CSMD1: variants seen among roughly 807,000 people sequenced by gnomAD.
CSMD1 encodes CUB and Sushi multiple domains 1.
Under a neutral mutation model 417.5 loss-of-function variants are expected in CSMD1, and 213 were observed. That is an observed-to-expected ratio of 0.51 (90% CI 0.46 to 0.57). The LOEUF is 0.57. Ranked by LOEUF, CSMD1 falls within the 20% of genes least tolerant of loss-of-function variation. The pLI, the probability that CSMD1 is intolerant of heterozygous loss-of-function variation, is 0.00. For missense variants in CSMD1, 6,923 were observed against 4,529.7 expected (o/e 1.53, Z -15.17); for synonymous variants, 2,862 against 1,736.8 (o/e 1.65, Z -16.11).
intron 1 of CSMD1, among the ~76,000 whole-genome samples, chr8:4,768,312 C>G (rs1796422700): frequency 6.6e-6 from 1 of 152,006 alleles, no homozygotes; most frequent in Admixed American, 6.6e-5. Flanking sequence ...CATTCGTATA[C>G]TCGCCTATGA....
At chr8:4,148,674 C>T (rs769625257) in intron 3 of CSMD1, among the ~76,000 whole-genome samples, 10 of 152,046 alleles carry the variant, frequency 6.6e-5, no homozygotes, top group Non-Finnish European at 8.8e-5. Context: ...AGCGTGCCCT[C>T]GTGTCTCTTC....
intron 1 of CSMD1, among the ~76,000 whole-genome samples, chr8:4,968,381 C>G (rs931941606): frequency 6.6e-6 from 1 of 151,990 alleles, no homozygotes; most frequent in Admixed American, 6.6e-5. Context: ...TTACCCCCAA[C>G]AGAAAATCTG....
intron 12 of CSMD1, among the ~76,000 whole-genome samples, chr8:3,454,543 A>G (rs1815977145): frequency 6.6e-6 from 1 of 152,156 alleles, no homozygotes; most frequent in South Asian, 2.1e-4. Context: ...GCTTGTCTGT[A>G]AAGGATTTTA....
intron 41 of CSMD1, among the ~76,000 whole-genome samples, chr8:3,136,094 GT>G (rs1818065136): frequency 6.6e-6 from 1 of 151,938 alleles, no homozygotes; most frequent in Non-Finnish European, 1.5e-5. Context: ...CTGGATCTTT[GT>G]CCCCCCCTCA....
At chr8:3,153,626 T>A (rs908350852) in intron 39 of CSMD1, among the ~76,000 whole-genome samples, 3 of 152,204 alleles carry the variant, frequency 2.0e-5, no homozygotes, top group Non-Finnish European at 4.4e-5. Context: ...CACACACACA[T>A]GCAGAGGGAA....
chr8:3,424,941 C>G (rs998254467), intron 12 of CSMD1, among the ~76,000 whole-genome samples: 2 of 152,156 alleles, frequency 1.3e-5, no homozygotes, highest in African/African-American at 4.8e-5. Context: ...CTCAAGTGAT[C>G]TTTCGACCTC....
chr8:4,229,724 C>T (rs963919684), intron 3 of CSMD1, among the ~76,000 whole-genome samples: 1 of 152,092 alleles, frequency 6.6e-6, no homozygotes, highest in Non-Finnish European at 1.5e-5. Flanking sequence ...CTTGACCCAC[C>T]CCATCCTCTG....
chr8:4,729,054 C>G (rs1809675918), intron 1 of CSMD1, among the ~76,000 whole-genome samples: 1 of 152,076 alleles, frequency 6.6e-6, no homozygotes, highest in South Asian at 2.1e-4. Context: ...CACTGATGAC[C>G]TGAATATAGA....
intron 3 of CSMD1, among the ~76,000 whole-genome samples, chr8:4,073,565 C>T (rs1029667762): frequency 2.6e-5 from 4 of 151,984 alleles, no homozygotes; most frequent in Admixed American, 2.0e-4. Context: ...GCTATTAATC[C>T]TACAGTATGA....
chr8:4,977,864 G>A (rs1343352845), intron 1 of CSMD1, among the ~76,000 whole-genome samples: 1 of 152,240 alleles, frequency 6.6e-6, no homozygotes, highest in African/African-American at 2.4e-5. Flanking sequence ...CACAGTGGAA[G>A]AAGACCCATC....
At chr8:4,746,701 G>C (rs1810976995) in intron 1 of CSMD1, among the ~76,000 whole-genome samples, 1 of 152,138 alleles carries the variant, frequency 6.6e-6, no homozygotes, top group African/African-American at 2.4e-5. Context: ...CATACTCTGA[G>C]CTGCTGGGGC....
rs1051235568 is a variant in CSMD1, at chr8:3,409,489, C to G, written c.1678G>C (p.Val560Leu). 5.6e-6 allele frequency: 9 copies of G among 1,611,622 alleles called. No individual in the cohort carries two copies. Among genetic ancestry groups the G allele is most frequent in the African/African-American group, 1.3e-5 (1 of 74,882 alleles). ...TGACAGGTGATAACTCTCTCCCCCA[C>G]CAGCTCAAAGGCCGCCGGGCATTCA... ...TFECPAAFELVGERVITCQQN... is the reference protein window; with the variant it reads ...TFECPAAFELLGERVITCQQN... Residue 560 changes from valine (V) to leucine (L), a missense_variant, in exon 13 of 70, where the codon GTG becomes CTG. Transcript: ENST00000635120.
At chr8:4,537,119 A>G (rs182313240) in intron 2 of CSMD1, among the ~76,000 whole-genome samples, 1 of 152,164 alleles carries the variant, frequency 6.6e-6, no homozygotes, top group Non-Finnish European at 1.5e-5. Flanking sequence ...TCAAATATGC[A>G]TTTATATGTA....
chr8:4,163,058 G>T (rs1180406084), intron 3 of CSMD1, among the ~76,000 whole-genome samples: 2 of 152,134 alleles, frequency 1.3e-5, no homozygotes, highest in South Asian at 2.1e-4. Context: ...GTCTTTGCAT[G>T]GCTTTCGGTT....
intron 2 of CSMD1, among the ~76,000 whole-genome samples, chr8:4,425,206 G>T (rs1318806651): frequency 2.0e-5 from 3 of 151,970 alleles, no homozygotes; most frequent in Non-Finnish European, 4.4e-5. Context: ...GTGGTCAAAT[G>T]ATATTAGTTC....
intron 3 of CSMD1, among the ~76,000 whole-genome samples, chr8:4,392,388 A>T (rs761879704): frequency 6.6e-6 from 1 of 152,170 alleles, no homozygotes; most frequent in Non-Finnish European, 1.5e-5. Context: ...GATTAAAATC[A>T]GAGACACAAA....
At chr8:3,730,379 T>TTTTG (rs1802774616) in intron 6 of CSMD1, among the ~76,000 whole-genome samples, 1 of 150,840 alleles carries the variant, frequency 6.6e-6, no homozygotes, top group South Asian at 2.1e-4. Context: ...GATTTTTTTT[T>TTTTG]TTTTTTTGCC....
At chr8:4,422,500 C>A (rs1797306165) in intron 2 of CSMD1, among the ~76,000 whole-genome samples, 1 of 152,068 alleles carries the variant, frequency 6.6e-6, no homozygotes, top group Admixed American at 6.6e-5. Context: ...TCTCCCTGGA[C>A]ACATACTGAG....
intron 2 of CSMD1, among the ~76,000 whole-genome samples, chr8:4,532,462 T>G (rs148449274): frequency 1.1e-4 from 15 of 141,812 alleles, no homozygotes; most frequent in Admixed American, 2.8e-4. Context: ...AGAGAAATCC[T>G]GCACCCCCAT....
Sources: gnomAD v4.1 joint callset for allele counts (sites outside exome capture counted in the v4.1 genomes callset) on GRCh38, gnomAD v4.1.1 for gene constraint, MANE v1.5 for transcripts, NCBI Gene and HGNC (gene_info 2026-07-23, HGNC 2026-07-21) for gene names.